Variants in ANKS1B observed in about 807,000 individuals in gnomAD.
ANKS1B encodes ankyrin repeat and sterile alpha motif domain-containing protein 1B.
A neutral mutation model predicts 148.3 loss-of-function variants in ANKS1B; 36 were observed. The observed-to-expected ratio is 0.24, with a 90% CI of 0.19 to 0.32. The LOEUF (loss-of-function observed/expected upper bound fraction) is 0.32. ANKS1B is among the 10% of genes least tolerant of loss of function. ANKS1B has a pLI of 1.00. For synonymous variants in ANKS1B, 542 were observed against 560.8 expected, an observed-to-expected ratio of 0.97 and a Z score of 0.47; for missense variants, 1,157 against 1,542.6, an observed-to-expected ratio of 0.75 and a Z score of 4.19.
At chr12:99,341,904 T>C (rs1019298031) in intron 12 of ANKS1B, among the ~76,000 whole-genome samples, 1 of 152,142 alleles carries the variant, frequency 6.6e-6, no homozygotes, top group African/African-American at 2.4e-5. Flanking sequence ...AATAATTACT[T>C]CATTACATGA....
chr12:99,543,199 A>G (rs1380070339), intron 9 of ANKS1B, among the ~76,000 whole-genome samples: 1 of 152,102 alleles, frequency 6.6e-6, no homozygotes, highest in African/African-American at 2.4e-5. Context: ...AGATCTACAA[A>G]TGGCCAATAA....
rs1365964518 is a variant in ANKS1B, at chr12:99,550,394, C to T, written c.1273-45753G>A. 2.6e-5 allele frequency among the ~76,000 whole-genome samples: 4 copies of T among 152,162 alleles called. No homozygotes were observed. In the East Asian group the frequency reaches 7.7e-4, roughly 29 times the overall value. On this transcript the variant is annotated intron_variant, in intron 9 of 26. Coordinates refer to ENST00000683438, the MANE Select transcript of ANKS1B (RefSeq NM_001352186.2). The stretch of plus-strand genomic sequence containing the variant: ...ATCCCAACACTCTGGGAGGCTGAGG[C>T]AGGCAGATCAATTGAGGTCAGGAGT...
chr12:99,897,556 A>G (rs11110096), intron 1 of ANKS1B, among the ~76,000 whole-genome samples: 15,420 of 151,074 alleles, frequency 0.1, 1,296 homozygotes, highest in African/African-American at 0.16. Context: ...AAAACATATC[A>G]TTTCTATTTT....
chr12:99,328,517 T>C (rs886865294), intron 12 of ANKS1B, among the ~76,000 whole-genome samples: 3 of 151,972 alleles, frequency 2.0e-5, no homozygotes, highest in African/African-American at 7.2e-5. Context: ...CAGAAGGTTC[T>C]TGCCTCAACA....
At position 99,134,643 on chromosome 12, in the gene ANKS1B, TCTCACACACACACA is replaced by T. The variant is rs1203814144; in HGVS notation, c.2526+19632_2526+19645del. ...ATCCCTTTCTGTCTCTCTCTCTCTC[TCTCACACACACACA>T]CACACACACACACACACACACACAC... On this transcript the variant is annotated intron_variant, in intron 15 of 26. Transcript: ENST00000683438. Among the ~76,000 whole-genome samples, 96 of 83,154 alleles carry T rather than the reference TCTCACACACACACA, an allele frequency of 1.2e-3. 1 individual carries two copies. The highest frequency in any genetic ancestry group is 4.1e-3 in the African/African-American group (81 of 19,646). 54.6% of individuals were successfully genotyped at this position (83,154 alleles called of 152,430 possible).
At chr12:99,179,901 G>A (rs1323777382) in intron 14 of ANKS1B, among the ~76,000 whole-genome samples, 1 of 152,092 alleles carries the variant, frequency 6.6e-6, no homozygotes, top group East Asian at 1.9e-4. Context: ...TGGCATTTAA[G>A]GTTCTCCATC....
Position 98,953,537 on chromosome 12 carries a change from G to GTTTTTTTTTTTTTTTTTTTTTT in ANKS1B, c.2778+99598_2778+99619dup, listed in dbSNP as rs1166158783. Among the ~76,000 whole-genome samples the GTTTTTTTTTTTTTTTTTTTTTT allele has an allele frequency of 3.1e-4, 18 of 57,456 alleles. 2 individuals are homozygous for GTTTTTTTTTTTTTTTTTTTTTT. Among genetic ancestry groups the GTTTTTTTTTTTTTTTTTTTTTT allele is most frequent in the African/African-American group, 1.1e-3 (15 of 13,570 alleles). 37.7% of individuals were successfully genotyped at this position (57,456 alleles called of 152,430 possible). On this transcript the variant is annotated intron_variant, in intron 17 of 26. Coordinates refer to ENST00000683438, the MANE Select transcript of ANKS1B (RefSeq NM_001352186.2). ...CATGTCCATTTGAGAATCTAGAGTG[G>GTTTTTTTTTTTTTTTTTTTTTT]TTTTTTTTTTTTTTTTTTTTTTTTT...
At chr12:99,141,290 C>A (rs1054687508) in intron 15 of ANKS1B, among the ~76,000 whole-genome samples, 2 of 152,108 alleles carry the variant, frequency 1.3e-5, no homozygotes, top group African/African-American at 4.8e-5. Flanking sequence ...ACTACTTCTT[C>A]TATCCAATGC....
chr12:99,110,995 A>G (rs1295930133), intron 15 of ANKS1B, among the ~76,000 whole-genome samples: 5 of 152,094 alleles, frequency 3.3e-5, no homozygotes, highest in Non-Finnish European at 7.3e-5. Context: ...ACAAACCACT[A>G]TCCATCACTG....
At chr12:99,007,789 A>G (rs1045437138) in intron 17 of ANKS1B, among the ~76,000 whole-genome samples, 1 of 151,830 alleles carries the variant, frequency 6.6e-6, no homozygotes, top group Non-Finnish European at 1.5e-5. Context: ...AGATGGCTTA[A>G]TGTCTCTTGG....
At chr12:99,056,050 G>A (rs911976327) in intron 16 of ANKS1B, among the ~76,000 whole-genome samples, 1 of 152,124 alleles carries the variant, frequency 6.6e-6, no homozygotes, top group Non-Finnish European at 1.5e-5. Context: ...GCAGGGTAGA[G>A]AGCACAACTG....
intron 15 of ANKS1B, among the ~76,000 whole-genome samples, chr12:99,093,980 C>T (rs1174998469): frequency 2.0e-5 from 3 of 152,188 alleles, no homozygotes; most frequent in Non-Finnish European, 4.4e-5. Flanking sequence ...TTTTTATTCA[C>T]TTAATCTGGC....
intron 9 of ANKS1B, among the ~76,000 whole-genome samples, chr12:99,607,673 C>G (rs186892951): frequency 6.6e-6 from 1 of 152,148 alleles, no homozygotes; most frequent in East Asian, 1.9e-4. Context: ...AGCTTTTTAC[C>G]AATTTGTATG....
intron 1 of ANKS1B, among the ~76,000 whole-genome samples, chr12:99,871,079 C>T (rs918717431): frequency 3.9e-5 from 6 of 152,052 alleles, no homozygotes; most frequent in African/African-American, 1.4e-4. Context: ...AATCTTTAAT[C>T]TGTCTTAATT....
intron 19 of ANKS1B, among the ~76,000 whole-genome samples, chr12:98,812,340 T>C (rs1406878726): frequency 6.6e-6 from 1 of 152,070 alleles, no homozygotes; most frequent in Non-Finnish European, 1.5e-5. Context: ...GCTGTACAGG[T>C]TGGGAGGAGC....
At chr12:99,729,830 T>A (rs530714580) in intron 8 of ANKS1B, among the ~76,000 whole-genome samples, 1 of 152,248 alleles carries the variant, frequency 6.6e-6, no homozygotes, top group Non-Finnish European at 1.5e-5. Context: ...ATTTTAGTGA[T>A]GTTCACTGTC....
At chr12:99,176,174 G>A (rs2078361337) in intron 14 of ANKS1B, among the ~76,000 whole-genome samples, 1 of 152,120 alleles carries the variant, frequency 6.6e-6, no homozygotes, top group African/African-American at 2.4e-5. Flanking sequence ...TAGGTGGGAA[G>A]AAACATCAGA....
At chr12:99,910,957 T>C (rs2093987437) in intron 1 of ANKS1B, among the ~76,000 whole-genome samples, 2 of 152,184 alleles carry the variant, frequency 1.3e-5, no homozygotes, top group Admixed American at 1.3e-4. Flanking sequence ...GTGCCAGCTA[T>C]TGTGCTAAAA....
chr12:98,806,013 A>C (rs2099048374), intron 20 of ANKS1B, among the ~76,000 whole-genome samples: 1 of 152,196 alleles, frequency 6.6e-6, no homozygotes, highest in Non-Finnish European at 1.5e-5. Context: ...CTGGGACTAC[A>C]GGCATGTGCC....
Sources: allele counts gnomAD v4.1 joint callset (sites outside exome capture counted in the v4.1 genomes callset), GRCh38; gene constraint gnomAD v4.1.1; transcripts MANE v1.5; gene names NCBI Gene and HGNC (gene_info 2026-07-23, HGNC 2026-07-21).